DNAH6: variants seen among roughly 807,000 people sequenced by gnomAD.
The protein encoded by DNAH6 is axonemal beta dynein heavy chain 6.
A neutral mutation model predicts 491.4 loss-of-function variants in DNAH6; 340 were observed. The observed-to-expected ratio is 0.69, with a 90% CI of 0.63 to 0.76. The LOEUF is 0.76. Ranked by LOEUF, DNAH6 falls within the 30% of genes least tolerant of loss-of-function variation. The pLI, the probability that DNAH6 is intolerant of heterozygous loss-of-function variation, is 0.00. For synonymous variants in DNAH6, 1,603 were observed against 1,686.1 expected (o/e 0.95, Z 1.21); for missense variants, 4,443 against 4,972.2 (o/e 0.89, Z 3.20).
intron 18 of DNAH6, among the ~76,000 whole-genome samples, chr2:84,602,992 AT>A (rs1448379175): frequency 6.6e-6 from 1 of 151,256 alleles, no homozygotes; most frequent in Non-Finnish European, 1.5e-5. Context: ...CTCTGTTGAC[AT>A]TTCCCAACTG....
intron 43 of DNAH6, 41 bp from the exon 44 acceptor site, chr2:84,686,443 A>G (rs1395725067): frequency 1.8e-6 from 2 of 1,117,372 alleles, no homozygotes; most frequent in Admixed American, 2.1e-5. Context: ...TCCATTCAAG[A>G]TTATCATTAT....
the DNAH6 span, among the ~76,000 whole-genome samples, chr2:84,478,363 AGT>A: frequency 6.6e-6 from 1 of 152,190 alleles, no homozygotes. Flanking sequence ...TCTGACAGAG[AGT>A]GGCACTGCTT....
chr2:84,531,072 T>A (rs968344152), intron 4 of DNAH6, among the ~76,000 whole-genome samples: 4 of 152,144 alleles, frequency 2.6e-5, no homozygotes, highest in Non-Finnish European at 5.9e-5. Flanking sequence ...GGGTTCAGTC[T>A]GGAGAAGTGG....
intron 16 of DNAH6, among the ~76,000 whole-genome samples, chr2:84,591,882 A>T (rs1032605346): frequency 1.3e-5 from 2 of 152,212 alleles, no homozygotes; most frequent in Admixed American, 6.5e-5. Context: ...AACGGTGTTA[A>T]GGAACTGGAT....
intron 4 of DNAH6, among the ~76,000 whole-genome samples, chr2:84,539,788 C>A (rs1189335978): frequency 6.6e-6 from 1 of 152,030 alleles, no homozygotes; most frequent in Non-Finnish European, 1.5e-5. Flanking sequence ...CTTAGTTTTG[C>A]TTTTGTTTAA....
intron 41 of DNAH6, among the ~76,000 whole-genome samples, chr2:84,678,904 C>T (rs981236968): frequency 2.6e-5 from 4 of 152,158 alleles, no homozygotes; most frequent in South Asian, 4.1e-4. Context: ...CTCATTACAA[C>T]GGACAGGGTA....
At chr2:84,657,231 C>T (rs1299578302) in intron 35 of DNAH6, among the ~76,000 whole-genome samples, 1 of 152,030 alleles carries the variant, frequency 6.6e-6, no homozygotes, top group Non-Finnish European at 1.5e-5. Flanking sequence ...TTGATTACTG[C>T]AGCTGTATAG....
chr2:84,809,549 G>C (rs1232259692), intron 72 of DNAH6, among the ~76,000 whole-genome samples: 1 of 152,118 alleles, frequency 6.6e-6, no homozygotes, highest in Non-Finnish European at 1.5e-5. Flanking sequence ...CCAGGTCAGG[G>C]CTTATTTCCT....
At chr2:84,627,646 CT>C (rs1360558199) in intron 29 of DNAH6, among the ~76,000 whole-genome samples, 1 of 152,030 alleles carries the variant, frequency 6.6e-6, no homozygotes, top group African/African-American at 2.4e-5. Context: ...AAATAATTTT[CT>C]TTATTCATTT....
At chr2:84,524,983 CT>C (rs1447473909) in intron 2 of DNAH6, among the ~76,000 whole-genome samples, 1 of 151,950 alleles carries the variant, frequency 6.6e-6, no homozygotes, top group Non-Finnish European at 1.5e-5. Context: ...AATCTCAAGC[CT>C]TTTTTTCTTA....
intron 45 of DNAH6, among the ~76,000 whole-genome samples, chr2:84,688,818 A>G (rs1483456493): frequency 6.6e-6 from 1 of 152,136 alleles, no homozygotes; most frequent in East Asian, 1.9e-4. Context: ...ATATTAGTAG[A>G]TGGTTTCTGT....
At chr2:84,485,026 C>T in the DNAH6 span, among the ~76,000 whole-genome samples, 2 of 152,154 alleles carry the variant, frequency 1.3e-5, no homozygotes, top group Non-Finnish European at 2.9e-5. Flanking sequence ...TGCTAACAGT[C>T]TAACTCAGAA....
chr2:84,808,545 A>G lies in DNAH6; in HGVS notation c.11739+3A>G, dbSNP rs1679658778. ...ACAACCTGCTGAAGTTAATTCATGTATGAGAGCTTACTTTCATCATTGCTA... is the reference window on the plus strand; with the variant it reads ...ACAACCTGCTGAAGTTAATTCATGTGTGAGAGCTTACTTTCATCATTGCTA... On this transcript the variant is annotated splice_donor_region_variant and intron_variant, in intron 72 of 76. Coordinates refer to ENST00000389394, the MANE Select transcript of DNAH6 (RefSeq NM_001370.2). 1.3e-6 allele frequency: 2 copies of G among 1,551,602 alleles called. No homozygotes were observed. The highest frequency in any genetic ancestry group is 4.9e-5 in the East Asian group (2 of 40,916).
intron 15 of DNAH6, among the ~76,000 whole-genome samples, chr2:84,585,350 C>A (rs1683430943): frequency 6.6e-6 from 1 of 152,146 alleles, no homozygotes; most frequent in South Asian, 2.1e-4. Context: ...CCTCTGTGGC[C>A]AGTAGTACCT....
At chr2:84,758,670 T>G (rs1471753621) in intron 63 of DNAH6, among the ~76,000 whole-genome samples, 4 of 152,168 alleles carry the variant, frequency 2.6e-5, no homozygotes, top group Non-Finnish European at 5.9e-5. Context: ...ATACATCACA[T>G]AAACAGATTT....
intron 54 of DNAH6, among the ~76,000 whole-genome samples, chr2:84,708,394 G>C (rs1414035569): frequency 6.9e-6 from 1 of 145,362 alleles, no homozygotes; most frequent in African/African-American, 2.5e-5. Context: ...GCCGTGAGTG[G>C]AGATTGCGCC....
chr2:84,637,378 GT>G lies in DNAH6; in HGVS notation c.4821+2del. On this transcript the variant is annotated splice_donor_variant, in intron 31 of 76. Transcript: ENST00000389394. LOFTEE classifies it high-confidence loss of function. ...TCCAAATTATGCCTTGATTGCAGAG[GT>G]GAGCATCACATTATAAAGCAGCAGA... The G allele has an allele frequency of 6.5e-7, 1 of 1,535,998 alleles. No homozygotes were observed. Among genetic ancestry groups the G allele is most frequent in the Non-Finnish European group, 8.8e-7 (1 of 1,137,204 alleles).
chr2:84,546,777 G>A (rs898330595), intron 5 of DNAH6, among the ~76,000 whole-genome samples: 1 of 152,106 alleles, frequency 6.6e-6, no homozygotes, highest in Non-Finnish European at 1.5e-5. Flanking sequence ...GAATTGCTGG[G>A]TCATTAGCAA....
intron 2 of DNAH6, among the ~76,000 whole-genome samples, chr2:84,519,780 A>ATT (rs1675970116): frequency 6.6e-6 from 1 of 150,842 alleles, no homozygotes; most frequent in Middle Eastern, 3.4e-3. Flanking sequence ...TTTCTATGCC[A>ATT]TCTAACATTG....
Sources: gnomAD v4.1 joint callset for allele counts (sites outside exome capture counted in the v4.1 genomes callset) on GRCh38, gnomAD v4.1.1 for gene constraint, MANE v1.5 for transcripts, NCBI Gene and HGNC (gene_info 2026-07-23, HGNC 2026-07-21) for gene names.